The following CNTNAP4 variants were observed in gnomAD, a reference collection of about 807,000 sequenced individuals.
The protein encoded by CNTNAP4 is contactin-associated protein-like 4.
Under a neutral mutation model 148.4 loss-of-function variants are expected in CNTNAP4, and 98 were observed. That is an observed-to-expected ratio of 0.66 (90% confidence interval 0.56 to 0.78). The LOEUF is 0.78. CNTNAP4 is among the 30% of genes least tolerant of loss of function. The pLI, the probability that CNTNAP4 is intolerant of heterozygous loss-of-function variation, is 0.00. For synonymous variants in CNTNAP4, 730 were observed against 565.1 expected (o/e 1.29, Z -4.14); for missense variants, 1,935 against 1,565.6 (o/e 1.24, Z -3.98).
intron 23 of CNTNAP4, among the ~76,000 whole-genome samples, chr16:76,554,274 C>G (rs184394177): frequency 6.6e-5 from 10 of 152,250 alleles, no homozygotes; most frequent in Non-Finnish European, 4.4e-5. Context: ...GGACATATCA[C>G]TGCTTCTGGA....
intron 3 of CNTNAP4, among the ~76,000 whole-genome samples, chr16:76,366,978 A>G (rs1188660256): frequency 1.3e-5 from 2 of 152,106 alleles, no homozygotes; most frequent in Non-Finnish European, 1.5e-5. Context: ...AGAAAAATGT[A>G]TATGAGAAAT....
At chr16:76,500,595 A>G (rs1236880736) in intron 15 of CNTNAP4, among the ~76,000 whole-genome samples, 2 of 66,834 alleles carry the variant, frequency 3.0e-5, no homozygotes, top group Non-Finnish European at 6.6e-5. Flanking sequence ...TCACCTGTAA[A>G]TCTCTTTTTT....
At chr16:76,400,308 T>C (rs938465252) in intron 3 of CNTNAP4, among the ~76,000 whole-genome samples, 1 of 152,194 alleles carries the variant, frequency 6.6e-6, no homozygotes, top group African/African-American at 2.4e-5. Context: ...TTTTTTGTGG[T>C]GGGAACATTT....
chr16:76,522,687 C>CTTTCTTTTCTCTTTTCTTTTCTTTTCT lies in CNTNAP4; in HGVS notation c.2755+440_2755+441insCTTTTCTTTTCTTTTCTTTTCTTTTCT, dbSNP rs2083523117. 4.0e-4 allele frequency among the ~76,000 whole-genome samples: 12 copies of CTTTCTTTTCTCTTTTCTTTTCTTTTCT among 30,158 alleles called. 2 individuals are homozygous for CTTTCTTTTCTCTTTTCTTTTCTTTTCT. The highest frequency in any genetic ancestry group is 7.2e-4 in the Non-Finnish European group (11 of 15,186). The allele number at this position is 30,158 out of a possible 152,430, so 19.8% of individuals were successfully genotyped here. On this transcript the variant is annotated intron_variant, in intron 17 of 23. Transcript: ENST00000611870. ...CTTTCCTTCTTTCTCTCTTTCTCTC[C>CTTTCTTTTCTCTTTTCTTTTCTTTTCT]TTTCTTTTCTTTTCTTTTCTTTTCT...
intron 3 of CNTNAP4, among the ~76,000 whole-genome samples, chr16:76,384,693 T>A (rs2016338522): frequency 1.3e-5 from 2 of 152,194 alleles, no homozygotes; most frequent in African/African-American, 4.8e-5. Context: ...TTGTTATTAG[T>A]CATGCTTCAT....
Position 76,428,850 on chromosome 16 carries a change from C to T in CNTNAP4, c.538+1251C>T, listed in dbSNP as rs139641693. On this transcript the variant is annotated intron_variant, in intron 4 of 23. Coordinates refer to ENST00000611870, the MANE Select transcript of CNTNAP4 (RefSeq NM_033401.5). ...TGCTTATTATATGCACTATTCCAAG[C>T]AGTTTACGATTCCTCAAAATAGCCC... 1.1e-3 allele frequency among the ~76,000 whole-genome samples: 163 copies of T among 152,186 alleles called. No individual in the cohort carries two copies. In the East Asian group the frequency reaches 0.024, roughly 23 times the overall value.
intron 11 of CNTNAP4, among the ~76,000 whole-genome samples, chr16:76,477,014 T>C (rs887114342): frequency 2.6e-5 from 4 of 152,068 alleles, no homozygotes; most frequent in Non-Finnish European, 4.4e-5. Context: ...ATTTTCTATG[T>C]CCTAACTCGT....
intron 2 of CNTNAP4, among the ~76,000 whole-genome samples, chr16:76,352,014 A>G (rs1164806850): frequency 6.6e-6 from 1 of 152,224 alleles, no homozygotes; most frequent in Non-Finnish European, 1.5e-5. Flanking sequence ...AAGGGCAAGA[A>G]GGAAACTAAT....
rs1256125964 is a variant in CNTNAP4, at chr16:76,374,306, A to T, written c.390+18795A>T. 2.0e-5 allele frequency among the ~76,000 whole-genome samples: 3 copies of T among 152,196 alleles called. No homozygotes were observed. The East Asian group carries it at 5.8e-4, about 29-fold the overall frequency. ...TCAGTTTCAGAGAAAAGAATCTTCTATTTATTTTAGCGAGTTTGTGGAAAG... is the reference window on the plus strand; with the variant it reads ...TCAGTTTCAGAGAAAAGAATCTTCTTTTTATTTTAGCGAGTTTGTGGAAAG... On this transcript the variant is annotated intron_variant, in intron 3 of 23. Transcript: ENST00000611870.
chr16:76,544,206 T>A (rs2084596413), intron 21 of CNTNAP4, among the ~76,000 whole-genome samples: 2 of 151,976 alleles, frequency 1.3e-5, no homozygotes, highest in Non-Finnish European at 2.9e-5. Flanking sequence ...CATATAAACA[T>A]TGCCTTTTTT....
intron 3 of CNTNAP4, among the ~76,000 whole-genome samples, chr16:76,364,892 G>C (rs1025325997): frequency 6.6e-6 from 1 of 152,106 alleles, no homozygotes; most frequent in African/African-American, 2.4e-5. Context: ...GATCCCATTT[G>C]TCTATTTTGG....
In CNTNAP4 at chr16:76,355,338, C is replaced by G. The variant is rs1223069163; in HGVS notation, c.217C>G (p.Leu73Val). ...AAAAGGAGCTGGTGGCTGGTCTCCA[C>G]TTGTGTCTAACAAATACCAGTGGTT... ...RRDGAGGWSP[L>V]VSNKYQWLQI... The change falls in exon 3 of 24, where the codon CTT becomes GTT. Residue 73 changes from leucine (L) to valine (V), a missense_variant. Coordinates refer to ENST00000611870, the MANE Select transcript of CNTNAP4 (RefSeq NM_033401.5). The G allele has an allele frequency of 1.3e-6, 2 of 1,582,318 alleles. No individual in the cohort carries two copies. Among genetic ancestry groups the G allele is most frequent in the Non-Finnish European group, 1.7e-6 (2 of 1,165,232 alleles).
chr16:76,556,106 G>A (rs2085186779), intron 23 of CNTNAP4, among the ~76,000 whole-genome samples: 1 of 152,028 alleles, frequency 6.6e-6, no homozygotes, highest in African/African-American at 2.4e-5. Flanking sequence ...ATCCCCCTAT[G>A]TTCTACATCT....
Position 76,395,944 on chromosome 16 carries a change from G to C in CNTNAP4, c.391-31508G>C, listed in dbSNP as rs2078188189. Among the ~76,000 whole-genome samples, 5 of 152,072 alleles carry C rather than the reference G, an allele frequency of 3.3e-5. No homozygotes were observed. The South Asian group carries it at 1.0e-3, about 32-fold the overall frequency. The stretch of plus-strand genomic sequence containing the variant: ...GGGTTTCACCATGTTTGGCAGGCTG[G>C]TCTCAAACTCCTGACCTCAGGTGAT... On this transcript the variant is annotated intron_variant, in intron 3 of 23. Transcript: ENST00000611870.
chr16:76,375,278 C>G (rs758294586), intron 3 of CNTNAP4, among the ~76,000 whole-genome samples: 3 of 152,014 alleles, frequency 2.0e-5, no homozygotes, highest in Non-Finnish European at 4.4e-5. Flanking sequence ...AAAAATCAGC[C>G]AGGCGTGGTG....
chr16:76,394,453 A>G (rs2078129173), intron 3 of CNTNAP4, among the ~76,000 whole-genome samples: 1 of 152,220 alleles, frequency 6.6e-6, no homozygotes, highest in South Asian at 2.1e-4. Flanking sequence ...GTATTGAATT[A>G]TAATTACAAA....
intron 1 of CNTNAP4, among the ~76,000 whole-genome samples, chr16:76,315,323 T>G (rs1961597975): frequency 6.6e-6 from 1 of 152,176 alleles, no homozygotes; most frequent in Non-Finnish European, 1.5e-5. Context: ...AAGACAAAAC[T>G]CCTTGAGGCT....
rs202210201 is a variant in CNTNAP4, at chr16:76,355,459, T to C, written c.338T>C (p.Phe113Ser). The C allele has an allele frequency of 9.3e-5, 150 of 1,613,032 alleles. No homozygotes were observed. The highest frequency in any genetic ancestry group is 1.2e-4 in the Non-Finnish European group (141 of 1,179,554). ...SNWVTSYLLM[F>S]SDSGWNWKQY... ...TGGGTGACCAGCTACCTCCTGATGTTCAGTGATAGTGGCTGGAACTGGAAA... is the reference window on the plus strand; with the variant it reads ...TGGGTGACCAGCTACCTCCTGATGTCCAGTGATAGTGGCTGGAACTGGAAA... Residue 113 changes from phenylalanine (F) to serine (S), a missense_variant, in exon 3 of 24, where the codon TTC (phenylalanine) becomes TCC (serine). Physicochemically the swap from Phe to Ser is radical, Grantham distance 155. Coordinates refer to ENST00000611870, the MANE Select transcript of CNTNAP4 (RefSeq NM_033401.5).
intron 1 of CNTNAP4, among the ~76,000 whole-genome samples, chr16:76,313,053 C>G (rs186013771): frequency 6.6e-6 from 1 of 152,222 alleles, no homozygotes; most frequent in East Asian, 1.9e-4. Context: ...GACCAAATAT[C>G]ACAAGCCTCC....
Sources: allele counts gnomAD v4.1 joint callset (sites outside exome capture counted in the v4.1 genomes callset), GRCh38; gene constraint gnomAD v4.1.1; transcripts MANE v1.5; gene names NCBI Gene and HGNC (gene_info 2026-07-23, HGNC 2026-07-21).